Variants in RFX4 observed in about 807,000 individuals in gnomAD.
RFX4 encodes the protein transcription factor RFX4.
In RFX4, 10 loss-of-function variants were observed where a neutral mutation model predicts 95.0. That is an observed-to-expected ratio of 0.11 (90% CI 0.06 to 0.18). The LOEUF is 0.18. Ranked by LOEUF, RFX4 falls within the 10% of genes least tolerant of loss-of-function variation. RFX4 has a pLI of 1.00. For missense variants in RFX4, 640 were observed against 922.0 expected (o/e 0.69, Z 3.96); for synonymous variants, 321 against 340.7 (o/e 0.94, Z 0.64).
At chr12:106,722,790 G>A (rs1460835035) in intron 13 of RFX4, among the ~76,000 whole-genome samples, 3 of 152,124 alleles carry the variant, frequency 2.0e-5, no homozygotes, top group African/African-American at 7.2e-5. Flanking sequence ...GGGGTGACAG[G>A]CAAGTTAAAA....
intron 17 of RFX4, 52 bp from the exon 18 acceptor site, chr12:106,761,145 A>G (rs1230673803): frequency 6.3e-7 from 1 of 1,576,408 alleles, no homozygotes; most frequent in Non-Finnish European, 8.7e-7. Context: ...TATTGTGTAT[A>G]TGCAACCTCA....
intron 1 of RFX4, among the ~76,000 whole-genome samples, chr12:106,584,451 G>A (rs1440137943): frequency 6.6e-6 from 1 of 152,208 alleles, no homozygotes; most frequent in Non-Finnish European, 1.5e-5. Flanking sequence ...CCGTGGCGAG[G>A]TTTGAGAGAA....
intron 1 of RFX4, among the ~76,000 whole-genome samples, chr12:106,588,214 T>C (rs1357577935): frequency 1.3e-5 from 2 of 152,190 alleles, no homozygotes; most frequent in African/African-American, 4.8e-5. Context: ...TAAGAGTCAA[T>C]AACCATGAAC....
Position 106,732,502 on chromosome 12 carries a change from C to G in RFX4, c.1471+253C>G, listed in dbSNP as rs528738466. ...CTCACTTCAGACCAGAGTTCAAGAC[C>G]AGCCTAGTCAATATGGCAAAACCCC... is the stretch of plus-strand genomic sequence containing the variant. On this transcript the variant is annotated intron_variant, in intron 14 of 17. Coordinates refer to ENST00000392842, the MANE Select transcript of RFX4 (RefSeq NM_213594.3). Among the ~76,000 whole-genome samples, 5 of 152,184 alleles carry G rather than the reference C, an allele frequency of 3.3e-5. No individual in the cohort carries two copies. In the South Asian group the frequency reaches 1.0e-3, roughly 32 times the overall value.
In RFX4 at chr12:106,723,744, C is replaced by A. The variant is rs77208410; in HGVS notation, c.1351+2868C>A. 2.2e-3 allele frequency among the ~76,000 whole-genome samples: 331 copies of A among 152,300 alleles called. 1 individual carries two copies. Among genetic ancestry groups the A allele is most frequent in the African/African-American group, 7.4e-3 (307 of 41,560 alleles). ...TGGCCTGGCCCAGCTCTCTTTTAGA[C>A]AGAATCTGCTAAATTGCAGGACCTT... On this transcript the variant is annotated intron_variant, in intron 13 of 17. Coordinates refer to ENST00000392842, the MANE Select transcript of RFX4 (RefSeq NM_213594.3).
intron 1 of RFX4, among the ~76,000 whole-genome samples, chr12:106,606,824 C>G (rs7960714): frequency 0.075 from 11,481 of 152,198 alleles, 1,011 homozygotes; most frequent in African/African-American, 0.21. Flanking sequence ...CGACATTTCT[C>G]CCAGCTGTTG....
chr12:106,680,487 C>A (rs776283571), intron 4 of RFX4, among the ~76,000 whole-genome samples: 2 of 152,150 alleles, frequency 1.3e-5, no homozygotes, highest in Non-Finnish European at 2.9e-5. Flanking sequence ...GGTCACAGTC[C>A]ATATTTGTTG....
intron 1 of RFX4, among the ~76,000 whole-genome samples, chr12:106,593,287 G>C (rs1303447071): frequency 6.6e-6 from 1 of 152,228 alleles, no homozygotes; most frequent in Non-Finnish European, 1.5e-5. Flanking sequence ...TTTGTGTCCT[G>C]TGTGTTTTCC....
At chr12:106,655,566 C>T (rs2040941999) in intron 4 of RFX4, among the ~76,000 whole-genome samples, 1 of 152,136 alleles carries the variant, frequency 6.6e-6, no homozygotes, top group Non-Finnish European at 1.5e-5. Context: ...GCTACCAGAG[C>T]TTGGTCAGGA....
At position 106,720,792 on chromosome 12, in the gene RFX4, G is replaced by A. The variant is rs753044935; in HGVS notation, c.1267G>A (p.Val423Met). The change falls in exon 13 of 18, where the codon GTG becomes ATG. Residue 423 changes from valine (V) to methionine (M), a missense_variant. By Grantham distance (21) the Val-to-Met change is conservative. Transcript: ENST00000392842. This position sits in a 1 kb window ranked among gnomAD's most constrained non-coding sequence, Gnocchi z 4.2. ...CAAGAGACAAGGGTCCTTGAAGAAA[G>A]TGGCCCAGCAGTTCCTCTTGATGTG... ...AAKRQGSLKKVAQQFLLMWSC... is the reference protein window; with the variant it reads ...AAKRQGSLKKMAQQFLLMWSC... 1 of 1,613,968 alleles carries A rather than the reference G, an allele frequency of 6.2e-7. No individual in the cohort carries two copies. Among genetic ancestry groups the A allele is most frequent in the South Asian group, 1.1e-5 (1 of 91,070 alleles).
intron 10 of RFX4, among the ~76,000 whole-genome samples, chr12:106,711,912 C>T (rs1304058900): frequency 6.6e-6 from 1 of 152,110 alleles, no homozygotes; most frequent in Non-Finnish European, 1.5e-5. Context: ...TCCAGATCTG[C>T]ATTATTTTTA....
intron 17 of RFX4, among the ~76,000 whole-genome samples, chr12:106,752,715 T>A (rs1593019169): frequency 1.3e-5 from 2 of 152,274 alleles, no homozygotes; most frequent in South Asian, 2.1e-4. Flanking sequence ...CTGAAATGGA[T>A]CCCTTTTCAA....
intron 15 of RFX4, among the ~76,000 whole-genome samples, chr12:106,738,632 A>G (rs1203398135): frequency 3.3e-5 from 5 of 152,192 alleles, no homozygotes; most frequent in African/African-American, 4.8e-5. Context: ...TTGTTCTCAG[A>G]TATCTCCATG....
chr12:106,696,233 G>T (rs778281026), intron 7 of RFX4, 50 bp from the exon 8 acceptor site: 1 of 1,603,660 alleles, frequency 6.2e-7, no homozygotes, highest in Non-Finnish European at 8.5e-7. Flanking sequence ...AGCTTCTGTT[G>T]GGAGGGCCCT....
intron 7 of RFX4, among the ~76,000 whole-genome samples, chr12:106,691,742 A>T (rs1216180691): frequency 6.6e-6 from 1 of 152,188 alleles, no homozygotes; most frequent in Non-Finnish European, 1.5e-5. Flanking sequence ...CTTGTTCACT[A>T]CTATATCCTA....
intron 15 of RFX4, among the ~76,000 whole-genome samples, chr12:106,733,728 G>A (rs2137567227): frequency 6.6e-6 from 1 of 152,286 alleles, no homozygotes; most frequent in Non-Finnish European, 1.5e-5. Flanking sequence ...ATAGCATGAG[G>A]CTGATGCTAC....
chr12:106,757,028 T>C (rs540300661), intron 17 of RFX4, among the ~76,000 whole-genome samples: 2 of 152,314 alleles, frequency 1.3e-5, no homozygotes, highest in South Asian at 2.1e-4. Context: ...GTGACTGCAG[T>C]AGATCATTTC....
intron 8 of RFX4, among the ~76,000 whole-genome samples, chr12:106,698,487 C>A (rs953994480): frequency 8.5e-5 from 13 of 152,050 alleles, no homozygotes; most frequent in Admixed American, 8.5e-4. Context: ...CACTATACAG[C>A]CTAGTCTGGT....
intron 3 of RFX4, among the ~76,000 whole-genome samples, chr12:106,646,786 C>T (rs183199039): frequency 1.1e-4 from 17 of 152,148 alleles, no homozygotes; most frequent in Admixed American, 5.9e-4. Context: ...GAGGAGGAAA[C>T]CAAGGTAGTC....
Sources: gnomAD v4.1 joint callset for allele counts (sites outside exome capture counted in the v4.1 genomes callset) on GRCh38, gnomAD v4.1.1 for gene constraint, Gnocchi (gnomAD v3.1) non-coding constraint, MANE v1.5 for transcripts, NCBI Gene and HGNC (gene_info 2026-07-23, HGNC 2026-07-21) for gene names.